RSBN1L: variants seen among roughly 807,000 people sequenced by gnomAD.
The protein encoded by RSBN1L is round spermatid basic protein 1 like.
Under a neutral mutation model 67.7 loss-of-function variants are expected in RSBN1L, and 30 were observed. That is an observed-to-expected ratio of 0.44 (90% CI 0.33 to 0.60). RSBN1L has a LOEUF of 0.60. Ranked by LOEUF, RSBN1L falls within the 20% of genes least tolerant of loss-of-function variation. The probability of loss-of-function intolerance (pLI) is 0.02; values close to 1 mark genes in which losing one functional copy is unlikely to be tolerated. For missense variants in RSBN1L, 992 were observed against 1,031.7 expected, an observed-to-expected ratio of 0.96 and a Z score of 0.53; for synonymous variants, 433 against 387.0, an observed-to-expected ratio of 1.12 and a Z score of -1.39.
chr7:77,757,445 T>A (rs1287286396), intron 3 of RSBN1L, among the ~76,000 whole-genome samples: 3 of 152,240 alleles, frequency 2.0e-5, no homozygotes, highest in African/African-American at 7.2e-5. Context: ...ATTAGGAAAC[T>A]GTATCATGAA....
At chr7:77,740,776 C>T (rs1305277943) in intron 2 of RSBN1L, among the ~76,000 whole-genome samples, 5 of 151,832 alleles carry the variant, frequency 3.3e-5, no homozygotes, top group South Asian at 2.1e-4. Context: ...TTTCTGTGTG[C>T]GCTTCTTTCT....
intron 3 of RSBN1L, among the ~76,000 whole-genome samples, chr7:77,764,487 T>A (rs1791736847): frequency 6.6e-6 from 1 of 152,144 alleles, no homozygotes; most frequent in African/African-American, 2.4e-5. Flanking sequence ...CATTATCAAA[T>A]TTTCTTCAGC....
chr7:77,741,251 T>A (rs899055217), intron 2 of RSBN1L, among the ~76,000 whole-genome samples: 1 of 151,848 alleles, frequency 6.6e-6, no homozygotes, highest in African/African-American at 2.4e-5. Context: ...CCTCCCAAAG[T>A]GCTGGGATTA....
intron 1 of RSBN1L, among the ~76,000 whole-genome samples, chr7:77,699,648 T>C (rs993415528): frequency 6.6e-6 from 1 of 152,192 alleles, no homozygotes; most frequent in African/African-American, 2.4e-5. Flanking sequence ...GAAAGTATAC[T>C]AATATGGCCC....
At chr7:77,743,410 G>A (rs1272806324) in intron 2 of RSBN1L, among the ~76,000 whole-genome samples, 2 of 151,476 alleles carry the variant, frequency 1.3e-5, no homozygotes, top group East Asian at 1.9e-4. Context: ...ACCAGCCTGC[G>A]CAACATAGTG....
At chr7:77,718,264 C>A (rs1046581233) in intron 1 of RSBN1L, among the ~76,000 whole-genome samples, 2 of 149,894 alleles carry the variant, frequency 1.3e-5, no homozygotes, top group Non-Finnish European at 3.0e-5. Context: ...AGCCTTTTTT[C>A]TTTTAGCCCT....
intron 1 of RSBN1L, among the ~76,000 whole-genome samples, chr7:77,705,510 G>T (rs980473270): frequency 3.0e-4 from 34 of 111,478 alleles, no homozygotes; most frequent in African/African-American, 8.0e-4. Flanking sequence ...CATTGTAATG[G>T]TTTTTTTTTT....
chr7:77,779,922 G>A lies in RSBN1L; in HGVS notation c.*754G>A, dbSNP rs998765010. 6.6e-6 allele frequency: 1 copy of A among 150,762 alleles called. No individual in the cohort carries two copies. Among genetic ancestry groups the A allele is most frequent in the African/African-American group, 2.4e-5 (1 of 40,914 alleles). 9.3% of individuals were successfully genotyped at this position (150,762 alleles called of 1,614,324 possible). A position where few individuals can be genotyped will look rare whatever the true frequency, so the allele number is the denominator to read the frequency against. On this transcript the variant is annotated 3_prime_UTR_variant, in exon 8 of 8. Coordinates refer to ENST00000334955, the MANE Select transcript of RSBN1L (RefSeq NM_198467.3). Reference sequence around the variant, plus strand: ...CGGCTCACTGCAACCTCTGCCTCTCGGGTTCAAGTGATTATTCTCCTGCCT... The same window carrying A: ...CGGCTCACTGCAACCTCTGCCTCTCAGGTTCAAGTGATTATTCTCCTGCCT...
chr7:77,717,250 T>C (rs898278538), intron 1 of RSBN1L, among the ~76,000 whole-genome samples: 4 of 152,222 alleles, frequency 2.6e-5, no homozygotes, highest in East Asian at 1.9e-4. Context: ...CGTAGTCTTA[T>C]ATTATTTTAT....
At position 77,778,521 on chromosome 7, in the gene RSBN1L, AT is replaced by A; in HGVS notation, c.1903-3del. On this transcript the variant is annotated splice_region_variant and splice_polypyrimidine_tract_variant and intron_variant, in intron 7 of 7. Coordinates refer to ENST00000334955, the MANE Select transcript of RSBN1L (RefSeq NM_198467.3). ...AGTTATTTGTATTTCTTGTTTTATT[AT>A]TTTTTAGTGTGTCCAATGGGTTGAT... The A allele has an allele frequency of 6.3e-7, 1 of 1,598,918 alleles. No individual in the cohort carries two copies.
intron 6 of RSBN1L, among the ~76,000 whole-genome samples, chr7:77,775,565 C>T (rs1200140672): frequency 6.6e-6 from 1 of 152,036 alleles, no homozygotes; most frequent in African/African-American, 2.4e-5. Flanking sequence ...TCTTTTTTAA[C>T]CCATGGGTTA....
rs112600190 is a variant in RSBN1L, at chr7:77,749,232, C to T, written c.704-192C>T. Among the ~76,000 whole-genome samples the T allele has an allele frequency of 8.5e-5, 13 of 152,098 alleles. 1 individual carries two copies. Among genetic ancestry groups the T allele is most frequent in the African/African-American group, 2.7e-4 (11 of 41,476 alleles). ...TTGTGGCACTGGATTCCAGCCTGGG[C>T]GACAGAGCAAGACTCTGTCTCAAAA... On this transcript the variant is annotated intron_variant, in intron 2 of 7. Coordinates refer to ENST00000334955, the MANE Select transcript of RSBN1L (RefSeq NM_198467.3).
intron 1 of RSBN1L, among the ~76,000 whole-genome samples, chr7:77,732,940 C>G (rs1200970187): frequency 6.6e-6 from 1 of 151,944 alleles, no homozygotes; most frequent in Non-Finnish European, 1.5e-5. Context: ...TGTAGGTATC[C>G]CACTTTATCA....
rs143188641 is a variant in RSBN1L at position 77,724,592 on chromosome 7, A to C, written c.587-11818A>C. Among the ~76,000 whole-genome samples, 1,070 of 150,942 alleles carry C rather than the reference A, an allele frequency of 7.1e-3. 6 individuals carry two copies. The highest frequency in any genetic ancestry group is 0.024 in the African/African-American group (999 of 41,122). ...AGACGTGCATCACCATGCCCAGCTA[A>C]TTTTTGTATTTTTAGTAGAGATGGG... On this transcript the variant is annotated intron_variant, in intron 1 of 7. Transcript: ENST00000334955.
chr7:77,728,082 T>G (rs1263958107), intron 1 of RSBN1L, among the ~76,000 whole-genome samples: 1 of 152,166 alleles, frequency 6.6e-6, no homozygotes, highest in African/African-American at 2.4e-5. Context: ...GAACTAGTTA[T>G]CCGCTGAGCC....
intron 1 of RSBN1L, among the ~76,000 whole-genome samples, chr7:77,716,115 T>C (rs1188265150): frequency 2.0e-5 from 3 of 152,210 alleles, no homozygotes; most frequent in Non-Finnish European, 4.4e-5. Context: ...TTTATACTTT[T>C]ATTTCTTTTA....
At chr7:77,724,666 TC>T (rs1378643829) in intron 1 of RSBN1L, among the ~76,000 whole-genome samples, 2 of 151,944 alleles carry the variant, frequency 1.3e-5, no homozygotes, top group Non-Finnish European at 2.9e-5. Context: ...CTTCAGGTGA[TC>T]CACCTGCCTT....
In RSBN1L at chr7:77,778,888, A is replaced by C. The variant is rs1791954669; in HGVS notation, c.2261A>C (p.His754Pro). 8.1e-6 allele frequency: 13 copies of C among 1,613,998 alleles called. No homozygotes were observed. The highest frequency in any genetic ancestry group is 2.7e-5 in the African/African-American group (2 of 74,944). The change falls in exon 8 of 8, where the codon CAT (histidine) becomes CCT (proline). Residue 754 changes from histidine (H) to proline (P), a missense_variant. Transcript: ENST00000334955. ...HSKYELQQIK[H>P]EPIASVRIKE... ...AAATATGAATTACAGCAGATTAAAC[A>C]TGAACCTATTGCATCTGTAAGAATC...
At chr7:77,769,184 A>ATTTTAAAT (rs1791813080) in intron 5 of RSBN1L, among the ~76,000 whole-genome samples, 1 of 152,192 alleles carries the variant, frequency 6.6e-6, no homozygotes, top group East Asian at 1.9e-4. Flanking sequence ...GTTCTTTAAA[A>ATTTTAAAT]TTTTCTGCAT....
Sources: allele counts gnomAD v4.1 joint callset (sites outside exome capture counted in the v4.1 genomes callset), GRCh38; gene constraint gnomAD v4.1.1; transcripts MANE v1.5; gene names NCBI Gene and HGNC (gene_info 2026-07-23, HGNC 2026-07-21).